CNBD1: variants seen among roughly 807,000 people sequenced by gnomAD.
CNBD1 encodes the protein cyclic nucleotide binding domain containing 1.
Under a neutral mutation model 54.4 loss-of-function variants are expected in CNBD1, and 71 were observed. The observed-to-expected ratio is 1.30, with a 90% CI of 1.08 to 1.59. The LOEUF (loss-of-function observed/expected upper bound fraction) is 1.59. Ranked by LOEUF, CNBD1 falls within the 40% of genes most tolerant of loss-of-function variation. The probability of loss-of-function intolerance (pLI) is 0.00; values close to 1 mark genes in which losing one functional copy is unlikely to be tolerated. For synonymous variants in CNBD1, 182 were observed against 170.7 expected (o/e 1.07, Z -0.51); for missense variants, 659 against 518.0 (o/e 1.27, Z -2.64).
chr8:87,049,411 T>C (rs1438487765), intron 4 of CNBD1, among the ~76,000 whole-genome samples: 1 of 152,164 alleles, frequency 6.6e-6, no homozygotes, highest in East Asian at 1.9e-4. Context: ...GCCTTTCCTT[T>C]GCTTTATTTG....
intron 2 of CNBD1, among the ~76,000 whole-genome samples, chr8:87,420,810 T>A (rs1807920611): frequency 6.6e-6 from 1 of 151,986 alleles, no homozygotes. Context: ...TATATTTATT[T>A]GAAAATTAAC....
chr8:86,925,506 T>C (rs888890000), intron 3 of CNBD1, among the ~76,000 whole-genome samples: 9 of 151,150 alleles, frequency 6.0e-5, no homozygotes, highest in Admixed American at 1.3e-4. Flanking sequence ...TGTGTGTGTG[T>C]GTGTGTGTGT....
At chr8:86,906,570 T>TTTGTAC (rs1459772054) in intron 3 of CNBD1, among the ~76,000 whole-genome samples, 2 of 152,218 alleles carry the variant, frequency 1.3e-5, no homozygotes, top group African/African-American at 4.8e-5. Flanking sequence ...ATAAAAATAC[T>TTTGTAC]TTGTACTTTT....
intron 8 of CNBD1, among the ~76,000 whole-genome samples, chr8:87,297,044 G>A (rs558070517): frequency 2.0e-5 from 3 of 151,522 alleles, no homozygotes; most frequent in South Asian, 2.1e-4. Flanking sequence ...CGGGCTTGGT[G>A]GCGGGTGCCT....
chr8:87,229,127 C>T (rs2130818330), intron 5 of CNBD1, among the ~76,000 whole-genome samples: 1 of 152,292 alleles, frequency 6.6e-6, no homozygotes, highest in East Asian at 1.9e-4. Context: ...GTGCGCGCAC[C>T]CACTGACCTG....
chr8:87,154,101 G>A (rs191438253), intron 4 of CNBD1, among the ~76,000 whole-genome samples: 87 of 152,140 alleles, frequency 5.7e-4, no homozygotes, highest in Non-Finnish European at 1.2e-3. Flanking sequence ...AAGTGCATTC[G>A]TCTTTCTAGG....
rs923882067 is a variant in CNBD1 at position 87,382,680 on chromosome 8, G to A, written c.*53G>A. On this transcript the variant is annotated 3_prime_UTR_variant, in exon 11 of 11. Coordinates refer to ENST00000518476, the MANE Select transcript of CNBD1 (RefSeq NM_173538.3). The stretch of plus-strand genomic sequence containing the variant: ...ATTAAGAAAGTATTGACTAAATAAT[G>A]GAATAATTGCATTCTGGAATACTAT... The A allele has an allele frequency of 1.4e-5, 18 of 1,325,386 alleles. No individual in the cohort carries two copies. Among genetic ancestry groups the A allele is most frequent in the Non-Finnish European group, 1.9e-5 (18 of 949,590 alleles). 82.1% of individuals were successfully genotyped at this position (1,325,386 alleles called of 1,614,324 possible).
intron 4 of CNBD1, among the ~76,000 whole-genome samples, chr8:86,991,581 C>T (rs1434008989): frequency 6.6e-6 from 1 of 151,926 alleles, no homozygotes; most frequent in Admixed American, 6.6e-5. Context: ...CTATTTTCCC[C>T]CTCCAGTTCT....
intron 10 of CNBD1, among the ~76,000 whole-genome samples, chr8:87,374,702 T>G (rs112524333): frequency 0.019 from 2,868 of 151,898 alleles, 90 homozygotes; most frequent in African/African-American, 0.062. Context: ...AAATATATGA[T>G]TTTTCCATGA....
chr8:87,370,876 C>G (rs1477740387), intron 10 of CNBD1, among the ~76,000 whole-genome samples: 1 of 150,888 alleles, frequency 6.6e-6, no homozygotes, highest in Non-Finnish European at 1.5e-5. Flanking sequence ...ACGTTTAAGT[C>G]TTTAGTCCAT....
intron 8 of CNBD1, among the ~76,000 whole-genome samples, chr8:87,324,457 A>T (rs1379798004): frequency 6.8e-6 from 1 of 146,788 alleles, no homozygotes; most frequent in Non-Finnish European, 1.5e-5. Context: ...TTGGTAAACT[A>T]TTGATTATTG....
At chr8:87,159,806 C>A (rs1812818015) in intron 4 of CNBD1, among the ~76,000 whole-genome samples, 1 of 152,132 alleles carries the variant, frequency 6.6e-6, no homozygotes, top group Non-Finnish European at 1.5e-5. Context: ...GCACTTATTC[C>A]TGGCTGTTGG....
At chr8:87,156,942 A>G (rs1430642932) in intron 4 of CNBD1, among the ~76,000 whole-genome samples, 2 of 152,158 alleles carry the variant, frequency 1.3e-5, no homozygotes, top group Non-Finnish European at 2.9e-5. Flanking sequence ...AAAATCACCT[A>G]CCTGAGAGTC....
intron 10 of CNBD1, among the ~76,000 whole-genome samples, chr8:87,360,355 G>A (rs72668632): frequency 0.073 from 11,050 of 151,832 alleles, 510 homozygotes; most frequent in South Asian, 0.097. Flanking sequence ...TTGGAAGTTA[G>A]GAAATATCTT....
chr8:87,142,695 C>A (rs987480369), intron 4 of CNBD1, among the ~76,000 whole-genome samples: 1 of 151,350 alleles, frequency 6.6e-6, no homozygotes, highest in African/African-American at 2.5e-5. Flanking sequence ...TTTGTGATAT[C>A]TTACTTTTTG....
chr8:87,084,961 A>G (rs967023765), intron 4 of CNBD1, among the ~76,000 whole-genome samples: 3 of 152,218 alleles, frequency 2.0e-5, no homozygotes, highest in African/African-American at 4.8e-5. Context: ...GGCGTGAGCC[A>G]CTACGCCCAG....
intron 2 of CNBD1, among the ~76,000 whole-genome samples, chr8:87,389,993 G>A (rs533018967): frequency 5.7e-5 from 8 of 139,344 alleles, no homozygotes; most frequent in Non-Finnish European, 9.9e-5. Flanking sequence ...AACAAGCAAT[G>A]GGGAAAGGAT....
At chr8:87,072,801 C>T (rs1054590647) in intron 4 of CNBD1, among the ~76,000 whole-genome samples, 3 of 151,438 alleles carry the variant, frequency 2.0e-5, no homozygotes, top group African/African-American at 7.3e-5. Context: ...TTGATTTTCT[C>T]GTGTAGGATC....
chr8:86,917,160 ATATC>A (rs67409485), intron 3 of CNBD1, among the ~76,000 whole-genome samples: 71,473 of 151,370 alleles, frequency 0.47, 17,597 homozygotes, highest in South Asian at 0.6. Flanking sequence ...AAAAAAAAGA[ATATC>A]TAGATAGTTA....
Sources: gnomAD v4.1 joint callset for allele counts (sites outside exome capture counted in the v4.1 genomes callset) on GRCh38, gnomAD v4.1.1 for gene constraint, MANE v1.5 for transcripts, NCBI Gene and HGNC (gene_info 2026-07-23, HGNC 2026-07-21) for gene names.